The following EML2 variants were observed in gnomAD, a reference collection of about 807,000 sequenced individuals.
EML2 encodes the protein echinoderm microtubule-associated protein-like 2.
Under a neutral mutation model 84.7 loss-of-function variants are expected in EML2, and 59 were observed. The ratio of observed to expected loss-of-function variants is 0.70; its 90% CI spans 0.56 to 0.86. EML2 has a LOEUF of 0.86. EML2 is among the 40% of genes least tolerant of loss of function. EML2 has a pLI of 0.00. For synonymous variants in EML2, 352 were observed against 348.9 expected, an observed-to-expected ratio of 1.01 and a Z score of -0.10; for missense variants, 818 against 855.6, an observed-to-expected ratio of 0.96 and a Z score of 0.55.
At chr19:45,642,757 T>G (rs1974677519), upstream of EML2, 1 of 156,032 alleles carries the variant, frequency 6.4e-6, no homozygotes, top group African/African-American at 2.4e-5. Context: ...GGTCAGGAGA[T>G]CGAGACCATC....
At chr19:45,613,449 G>A (rs908489554) in intron 18 of EML2, 92 bp downstream of exon 18, 25 of 1,481,730 alleles carry the variant, frequency 1.7e-5, no homozygotes, top group African/African-American at 1.4e-5. Flanking sequence ...CCGAGGCTCA[G>A]AGAAGGGGTG....
intron 7 of EML2, among the ~76,000 whole-genome samples, chr19:45,627,884 AAACT>A (rs2122717711): frequency 6.6e-6 from 1 of 152,040 alleles, no homozygotes; most frequent in South Asian, 2.1e-4. Flanking sequence ...CAACATGGAG[AAACT>A]CCGTCTCTAC....
At chr19:45,637,925 C>T (rs543023309) in intron 3 of EML2, among the ~76,000 whole-genome samples, 1 of 152,200 alleles carries the variant, frequency 6.6e-6, no homozygotes, top group South Asian at 2.1e-4. Context: ...GATCTGCCCA[C>T]CTCGGCCTCC....
intron 5 of EML2, 35 bp from the exon 6 acceptor site, chr19:45,633,006 C>T (rs767531859): frequency 1.2e-6 from 2 of 1,601,400 alleles, no homozygotes; most frequent in South Asian, 1.1e-5. Flanking sequence ...CTTGGGGGTG[C>T]CAGCTGCTTG....
At chr19:45,639,263 C>T (rs764611088) in intron 1 of EML2, 94 bp downstream of exon 1, 19 of 1,230,074 alleles carry the variant, frequency 1.5e-5, no homozygotes, top group Non-Finnish European at 1.9e-5. Flanking sequence ...CGTGTCCCCA[C>T]GCCGGTCTGG....
Position 45,624,742 on chromosome 19 carries a change from C to G in EML2, c.818G>C (p.Gly273Ala). 1 of 1,613,756 alleles carries G rather than the reference C, an allele frequency of 6.2e-7. No homozygotes were observed. Among genetic ancestry groups the G allele is most frequent in the Non-Finnish European group, 8.5e-7 (1 of 1,179,874 alleles). The change falls in exon 9 of 19, where the codon GGG becomes GCG. Residue 273 changes from glycine (G) to alanine (A), a missense_variant. Transcript: ENST00000245925. ...ACCTTTGCCCCAAACATAGAGGTTC[C>G]CCCCAGAGTCCCCCGTGACCACGTC... ...GGDVVTGDSG[G>A]NLYVWGKGGN... is the part of the protein sequence containing the mutation.
chr19:45,624,934 G>A (rs1972130405), intron 8 of EML2, 116 bp from the exon 9 acceptor site: 4 of 716,392 alleles, frequency 5.6e-6, no homozygotes, highest in African/African-American at 1.8e-5. Flanking sequence ...TGCGTTTAGG[G>A]TAAGGCTCTG....
At position 45,638,465 on chromosome 19, in the gene EML2, G is replaced by A. The variant is rs1324050733; in HGVS notation, c.179+40C>T. ...TTGACCGCCTTTCTATTTCCTCCTG[G>A]GGGGATGGGAGCACCAAGGAGATTC... On this transcript the variant is annotated intron_variant, in intron 3 of 18. Coordinates refer to ENST00000245925, the MANE Select transcript of EML2 (RefSeq NM_012155.4). 8 of 1,613,028 alleles carry A rather than the reference G, an allele frequency of 5.0e-6. No individual in the cohort carries two copies. In the East Asian group the frequency reaches 6.7e-5, roughly 13 times the overall value.
At chr19:45,642,503 G>A (rs1974642367), upstream of EML2, 24 of 1,425,134 alleles carry the variant, frequency 1.7e-5, no homozygotes, top group East Asian at 2.6e-5. Flanking sequence ...ATGAGCCAAG[G>A]AAGAGGACTC....
intron 3 of EML2, among the ~76,000 whole-genome samples, chr19:45,637,122 G>A (rs1340399689): frequency 6.6e-6 from 1 of 152,188 alleles, no homozygotes; most frequent in African/African-American, 2.4e-5. Flanking sequence ...GATATTTCCA[G>A]CTGCCTCGAG....
At chr19:45,626,912 A>G in intron 7 of EML2, 73 bp from the exon 8 acceptor site, 1 of 1,441,234 alleles carries the variant, frequency 6.9e-7, no homozygotes, top group Non-Finnish European at 9.3e-7. Flanking sequence ...CCCTCACAGG[A>G]CTGCCCTAAA....
intron 3 of EML2, among the ~76,000 whole-genome samples, chr19:45,636,122 C>A (rs918054923): frequency 1.3e-5 from 2 of 152,172 alleles, no homozygotes; most frequent in African/African-American, 2.4e-5. Flanking sequence ...AGGCATGCAC[C>A]ACCATGCCCA....
chr19:45,615,543 TAATAA>T (rs1970943687), intron 16 of EML2, among the ~76,000 whole-genome samples: 1 of 146,930 alleles, frequency 6.8e-6, no homozygotes, highest in African/African-American at 2.5e-5. Flanking sequence ...ATAATAATAA[TAATAA>T]TAATAATTAA....
At chr19:45,639,611 G>C (rs1210207152), upstream of EML2, among the ~76,000 whole-genome samples, 2 of 152,134 alleles carry the variant, frequency 1.3e-5, no homozygotes, top group African/African-American at 4.8e-5. Context: ...GCGCCTGCTT[G>C]AGTTAAAACC....
chr19:45,620,989 G>A, intron 11 of EML2: 2 of 682,706 alleles, frequency 2.9e-6, no homozygotes, highest in East Asian at 3.0e-5. Context: ...GCAGGAGGCA[G>A]CACAGTTGGA....
rs201142610 is a variant in EML2 at position 45,614,619 on chromosome 19, C to T, written c.1679G>A (p.Gly560Glu). 5.1e-5 allele frequency: 83 copies of T among 1,614,034 alleles called. No homozygotes were observed. The highest frequency in any genetic ancestry group is 6.9e-5 in the Non-Finnish European group (81 of 1,179,910). ...MEWATATCVLGFGVFGIWSEG... is the reference protein window; with the variant it reads ...MEWATATCVLEFGVFGIWSEG... ...CCAGAACTCACCAAACACCCCAAACCCTAGGACACAAGTAGCTGTGGCCCA... is the reference window on the plus strand; with the variant it reads ...CCAGAACTCACCAAACACCCCAAACTCTAGGACACAAGTAGCTGTGGCCCA... Residue 560 changes from glycine (G) to glutamate (E), a missense_variant, in exon 17 of 19, where the codon GGG (glycine) becomes GAG (glutamate). By Grantham distance (98) the Gly-to-Glu change is moderately conservative. Transcript: ENST00000245925.
intron 3 of EML2, among the ~76,000 whole-genome samples, chr19:45,637,666 T>C (rs1014569456): frequency 2.7e-5 from 2 of 73,562 alleles, no homozygotes; most frequent in African/African-American, 9.6e-5. Flanking sequence ...CTTTTTCTTT[T>C]CTTTTTTTTT....
intron 18 of EML2, among the ~76,000 whole-genome samples, chr19:45,612,895 T>TG (rs1285227859): frequency 6.6e-6 from 1 of 151,692 alleles, no homozygotes; most frequent in Non-Finnish European, 1.5e-5. Flanking sequence ...CAGCTTTTTT[T>TG]TTTGTTTTTG....
intron 6 of EML2, among the ~76,000 whole-genome samples, chr19:45,631,583 T>C (rs1210656941): frequency 1.3e-5 from 2 of 151,936 alleles, no homozygotes; most frequent in Non-Finnish European, 2.9e-5. Context: ...TTTTTGTATA[T>C]TTTTAGTAGA....
Sources: gnomAD v4.1 joint callset for allele counts (sites outside exome capture counted in the v4.1 genomes callset) on GRCh38, gnomAD v4.1.1 for gene constraint, MANE v1.5 for transcripts, NCBI Gene and HGNC (gene_info 2026-07-23, HGNC 2026-07-21) for gene names.